ADAMTS17: variants seen among roughly 807,000 people sequenced by gnomAD.
ADAMTS17 encodes the protein A disintegrin and metalloproteinase with thrombospondin motifs 17.
ADAMTS17 carries 113 observed loss-of-function variants against 141.5 expected under a neutral mutation model. The observed-to-expected ratio is 0.80, with a 90% CI of 0.69 to 0.93. The LOEUF (loss-of-function observed/expected upper bound fraction) is 0.93. ADAMTS17 is among the 40% of genes least tolerant of loss of function. ADAMTS17 has a pLI of 0.00. For synonymous variants in ADAMTS17, 768 were observed against 630.6 expected (o/e 1.22, Z -3.27); for missense variants, 1,659 against 1,517.9 (o/e 1.09, Z -1.54).
At chr15:100,307,877 A>G (rs1245217051) in intron 3 of ADAMTS17, among the ~76,000 whole-genome samples, 1 of 152,198 alleles carries the variant, frequency 6.6e-6, no homozygotes, top group Non-Finnish European at 1.5e-5. Flanking sequence ...GCTCATCTAT[A>G]ATGGTGCCCT....
At chr15:100,238,480 T>C (rs112251500) in intron 7 of ADAMTS17, among the ~76,000 whole-genome samples, 40 of 152,320 alleles carry the variant, frequency 2.6e-4, no homozygotes, top group African/African-American at 8.7e-4. Context: ...TGAGTATGAA[T>C]GACGGAAAAG....
chr15:100,203,140 T>C (rs979740356), intron 7 of ADAMTS17, among the ~76,000 whole-genome samples: 1 of 152,188 alleles, frequency 6.6e-6, no homozygotes, highest in African/African-American at 2.4e-5. Context: ...TCCCATTTTA[T>C]AGATGGGGAA....
intron 18 of ADAMTS17, among the ~76,000 whole-genome samples, chr15:100,001,975 T>TAAAAAAAAAAAAAAAA (rs1567663668): frequency 5.1e-5 from 1 of 19,620 alleles, no homozygotes; most frequent in Non-Finnish European, 1.3e-4. Context: ...AGACTCAGTC[T>TAAAAAAAAAAAAAAAA]CAAAAAAAAG....
At chr15:99,991,019 C>T (rs2060680060) in intron 20 of ADAMTS17, among the ~76,000 whole-genome samples, 1 of 152,108 alleles carries the variant, frequency 6.6e-6, no homozygotes, top group Non-Finnish European at 1.5e-5. Context: ...CAAAAATTAA[C>T]TCAAGATGGA....
At chr15:100,258,413 T>A (rs1379373656) in intron 6 of ADAMTS17, among the ~76,000 whole-genome samples, 2 of 152,216 alleles carry the variant, frequency 1.3e-5, no homozygotes, top group Admixed American at 6.5e-5. Flanking sequence ...TTAGTCCATT[T>A]TCACACCACT....
At chr15:100,126,571 G>A (rs184975266) in intron 12 of ADAMTS17, among the ~76,000 whole-genome samples, 2 of 152,300 alleles carry the variant, frequency 1.3e-5, no homozygotes, top group Admixed American at 1.3e-4. Flanking sequence ...ATAGCATCTG[G>A]GCCTCAGTGA....
chr15:100,067,245 G>A (rs899026648), intron 15 of ADAMTS17, among the ~76,000 whole-genome samples: 7 of 151,074 alleles, frequency 4.6e-5, no homozygotes, highest in South Asian at 2.1e-4. Context: ...TCTAAGTGTC[G>A]TTCCTTTCTA....
intron 12 of ADAMTS17, among the ~76,000 whole-genome samples, chr15:100,119,977 C>G (rs111274076): frequency 1.3e-5 from 2 of 152,316 alleles, no homozygotes; most frequent in African/African-American, 4.8e-5. Context: ...CCTCCTGTTC[C>G]TCTTATCTGG....
intron 7 of ADAMTS17, among the ~76,000 whole-genome samples, chr15:100,212,550 A>C (rs2041841830): frequency 6.6e-6 from 1 of 152,192 alleles, no homozygotes; most frequent in South Asian, 2.1e-4. Flanking sequence ...AGAAAGGTTA[A>C]AAACACTAAA....
chr15:100,185,981 G>A lies in ADAMTS17; in HGVS notation c.1181+13337C>T, dbSNP rs557325670. Among the ~76,000 whole-genome samples the A allele has an allele frequency of 1.3e-4, 20 of 152,114 alleles. No individual in the cohort carries two copies. In the South Asian group the frequency reaches 3.7e-3, roughly 28 times the overall value. On this transcript the variant is annotated intron_variant, in intron 8 of 21. Transcript: ENST00000268070. The stretch of plus-strand genomic sequence containing the variant: ...ACACACTGGTCGTGTGAGTGCAGCC[G>A]ACAATTACTCCACACCTACGGGACG...
At chr15:100,340,896 G>A in intron 2 of ADAMTS17, 143 bp downstream of exon 2, 1 of 1,286,710 alleles carries the variant, frequency 7.8e-7, no homozygotes, top group Non-Finnish European at 1.1e-6. Context: ...GGGGGATGGG[G>A]AGAGGTGGAA....
chr15:100,318,228 C>A (rs1303567046), intron 3 of ADAMTS17, among the ~76,000 whole-genome samples: 1 of 152,120 alleles, frequency 6.6e-6, no homozygotes, highest in African/African-American at 2.4e-5. Flanking sequence ...GAAACAGAGT[C>A]AGACAACAAG....
intron 4 of ADAMTS17, among the ~76,000 whole-genome samples, chr15:100,280,180 A>T (rs1195137540): frequency 1.3e-5 from 2 of 151,952 alleles, no homozygotes; most frequent in African/African-American, 4.8e-5. Context: ...TCCAGAATGG[A>T]AACTCTTTGC....
intron 8 of ADAMTS17, among the ~76,000 whole-genome samples, chr15:100,178,684 C>T (rs956437081): frequency 6.6e-6 from 1 of 151,930 alleles, no homozygotes; most frequent in Non-Finnish European, 1.5e-5. Context: ...CCATATTCTT[C>T]TCCTACCATT....
chr15:100,241,896 C>T (rs1212437020), intron 7 of ADAMTS17, among the ~76,000 whole-genome samples: 1 of 152,186 alleles, frequency 6.6e-6, no homozygotes, highest in Non-Finnish European at 1.5e-5. Flanking sequence ...AACTGAAGTC[C>T]TAAATAGTAG....
intron 3 of ADAMTS17, among the ~76,000 whole-genome samples, chr15:100,309,875 C>A (rs939418250): frequency 1.2e-4 from 19 of 152,166 alleles, no homozygotes; most frequent in African/African-American, 3.9e-4. Context: ...CCTGTACACA[C>A]GTGATGAAGC....
At chr15:100,073,610 G>T (rs2034146699) in intron 15 of ADAMTS17, among the ~76,000 whole-genome samples, 1 of 151,948 alleles carries the variant, frequency 6.6e-6, no homozygotes, top group South Asian at 2.1e-4. Flanking sequence ...CATGTCCTTT[G>T]TAGGGACATG....
chr15:100,289,504 G>C (rs906164478), intron 3 of ADAMTS17, among the ~76,000 whole-genome samples: 4 of 151,556 alleles, frequency 2.6e-5, no homozygotes, highest in African/African-American at 9.7e-5. Flanking sequence ...GCATCATTCT[G>C]ATGCCAAAAC....
intron 3 of ADAMTS17, among the ~76,000 whole-genome samples, chr15:100,311,961 T>C (rs2045420069): frequency 6.6e-6 from 1 of 152,200 alleles, no homozygotes; most frequent in Non-Finnish European, 1.5e-5. Context: ...GCATGCTGGC[T>C]GGGGCTGTCC....
Sources: gnomAD v4.1 joint callset for allele counts (sites outside exome capture counted in the v4.1 genomes callset) on GRCh38, gnomAD v4.1.1 for gene constraint, MANE v1.5 for transcripts, NCBI Gene and HGNC (gene_info 2026-07-23, HGNC 2026-07-21) for gene names.